Variants in PPM1A observed in about 807,000 individuals in gnomAD.
PPM1A encodes the protein protein phosphatase 1A.
A neutral mutation model predicts 35.0 loss-of-function variants in PPM1A; 7 were observed. The ratio of observed to expected loss-of-function variants is 0.20; its 90% CI spans 0.11 to 0.38. PPM1A has a LOEUF of 0.38. Ranked by LOEUF, PPM1A falls within the 10% of genes least tolerant of loss-of-function variation. The probability of loss-of-function intolerance (pLI) is 1.00; values close to 1 mark genes in which losing one functional copy is unlikely to be tolerated. For missense variants in PPM1A, 239 were observed against 467.8 expected (o/e 0.51, Z 4.51); for synonymous variants, 153 against 167.3 (o/e 0.91, Z 0.66).
At chr14:60,285,468 A>G (rs45521341) in intron 2 of PPM1A, among the ~76,000 whole-genome samples, 156 bp from the exon 3 acceptor site, 7 of 111,056 alleles carry the variant, frequency 6.3e-5, no homozygotes, top group African/African-American at 3.9e-4. Context: ...TTGCACACAC[A>G]CACGCACGCA....
intron 1 of PPM1A, among the ~76,000 whole-genome samples, chr14:60,255,262 C>G (rs1000613081): frequency 6.2e-5 from 9 of 145,810 alleles, no homozygotes; most frequent in East Asian, 2.0e-4. Context: ...AGCTCCGCCT[C>G]CCGGGTTCAC....
intron 1 of PPM1A, among the ~76,000 whole-genome samples, chr14:60,251,795 G>C (rs1355997248): frequency 6.6e-6 from 1 of 152,130 alleles, no homozygotes; most frequent in Non-Finnish European, 1.5e-5. Flanking sequence ...GTTCTTGTAA[G>C]CTATTGATTT....
At chr14:60,260,443 T>C (rs1187946497) in intron 1 of PPM1A, among the ~76,000 whole-genome samples, 1 of 152,152 alleles carries the variant, frequency 6.6e-6, no homozygotes, top group Non-Finnish European at 1.5e-5. Flanking sequence ...TATACTGCTA[T>C]GTATAATCCA....
intron 1 of PPM1A, among the ~76,000 whole-genome samples, chr14:60,275,544 T>G (rs113907287): frequency 0.012 from 1,815 of 152,312 alleles, 18 homozygotes; most frequent in Middle Eastern, 0.02. Context: ...TGGAGTGCAG[T>G]GGCACCATTA....
At position 60,296,030 on chromosome 14, in the gene PPM1A, C is replaced by T. The variant is rs951830396; in HGVS notation, c.*3548C>T. On this transcript the variant is annotated 3_prime_UTR_variant, in exon 6 of 6. Transcript: ENST00000395076. This position sits in a 1 kb window ranked among gnomAD's most constrained non-coding sequence, Gnocchi z 4.4. ...TTATTCTTCCTGCTGACAGCAGTAA[C>T]TCAGAGGAATAGGTAGTAGATTTCT... 8.6e-5 allele frequency: 13 copies of T among 151,646 alleles called. No homozygotes were observed. The highest frequency in any genetic ancestry group is 7.9e-4 in the Admixed American group (12 of 15,204). 9.4% of individuals were successfully genotyped at this position (151,646 alleles called of 1,614,324 possible).
intron 2 of PPM1A, 107 bp from the exon 3 acceptor site, chr14:60,285,517 A>G: frequency 8.1e-7 from 1 of 1,233,710 alleles, no homozygotes. Context: ...TGAAAGTAAC[A>G]TTTTCACTAG....
At position 60,263,909 on chromosome 14, in the gene PPM1A, G is replaced by A. The variant is rs920453350; in HGVS notation, c.-21+14232G>A. ...TTATGAGCTAATATTTGATTAAACCGAATATTTCTCCATCCTCTGTATAGT... is the reference window on the plus strand; with the variant it reads ...TTATGAGCTAATATTTGATTAAACCAAATATTTCTCCATCCTCTGTATAGT... On this transcript the variant is annotated intron_variant, in intron 1 of 5. Coordinates refer to ENST00000395076, the MANE Select transcript of PPM1A (RefSeq NM_021003.5). Among the ~76,000 whole-genome samples the A allele has an allele frequency of 6.0e-5, 9 of 150,670 alleles. No individual in the cohort carries two copies. The East Asian group carries it at 7.7e-4, about 13-fold the overall frequency.
chr14:60,290,346 T>C (rs960840252), intron 4 of PPM1A, among the ~76,000 whole-genome samples: 1 of 152,174 alleles, frequency 6.6e-6, no homozygotes, highest in African/African-American at 2.4e-5. Context: ...TATGCCTGAT[T>C]TTCCCAGTAT....
Position 60,294,564 on chromosome 14 carries a change from C to T in PPM1A, c.*2082C>T, listed in dbSNP as rs1227793622. The stretch of plus-strand genomic sequence containing the variant: ...AAATCCCTATTATAACAAACCAGTT[C>T]CTTAATATTTTAAGTAGACTGACAA... On this transcript the variant is annotated 3_prime_UTR_variant, in exon 6 of 6. Transcript: ENST00000395076. 6.6e-6 allele frequency: 1 copy of T among 151,794 alleles called. No homozygotes were observed. Among genetic ancestry groups the T allele is most frequent in the East Asian group, 1.9e-4 (1 of 5,196 alleles). 9.4% of individuals were successfully genotyped at this position (151,794 alleles called of 1,614,324 possible).
intron 4 of PPM1A, among the ~76,000 whole-genome samples, chr14:60,290,799 C>T (rs1036314379): frequency 2.0e-5 from 3 of 151,908 alleles, no homozygotes; most frequent in Non-Finnish European, 2.9e-5. Context: ...TTCCATATGA[C>T]TTTCTATGAA....
At chr14:60,276,998 G>T in intron 1 of PPM1A, 1 of 1,115,322 alleles carries the variant, frequency 9.0e-7, no homozygotes, top group Non-Finnish European at 1.1e-6. Context: ...CTTGTTTTTT[G>T]TCATAGTACT....
intron 1 of PPM1A, among the ~76,000 whole-genome samples, chr14:60,258,820 G>GT: frequency 6.6e-6 from 1 of 152,202 alleles, no homozygotes; most frequent in Middle Eastern, 3.4e-3. Flanking sequence ...AGTGTCATGT[G>GT]TTAAATATGA....
intron 1 of PPM1A, among the ~76,000 whole-genome samples, chr14:60,279,911 A>C (rs951157504): frequency 6.6e-6 from 1 of 152,126 alleles, no homozygotes; most frequent in Non-Finnish European, 1.5e-5. Flanking sequence ...TATTATATTG[A>C]GTATTTATAA....
chr14:60,246,111 A>G, upstream of PPM1A: 1 of 1,430,598 alleles, frequency 7.0e-7, no homozygotes. Flanking sequence ...TTGAGTAGTG[A>G]CTGGCTTCAG....
At chr14:60,248,986 A>G (rs925180277), upstream of PPM1A, among the ~76,000 whole-genome samples, 3 of 152,036 alleles carry the variant, frequency 2.0e-5, no homozygotes, top group African/African-American at 7.2e-5. Context: ...CGTAAGGCAA[A>G]GGCGGCGGCA....
At chr14:60,272,174 T>C (rs7143976) in intron 1 of PPM1A, among the ~76,000 whole-genome samples, 57,762 of 151,912 alleles carry the variant, frequency 0.38, 12,394 homozygotes, top group African/African-American at 0.59. Context: ...TTTGTTTTTC[T>C]AGATGTGTTA....
chr14:60,249,077 G>A (rs1018001133), upstream of PPM1A, among the ~76,000 whole-genome samples: 11 of 152,004 alleles, frequency 7.2e-5, no homozygotes, highest in East Asian at 2.1e-3. The surrounding 1 kb of genome is among the most constrained non-coding windows in gnomAD (Gnocchi z 4.5). Flanking sequence ...AGCCCTCACC[G>A]CAGTTCCTGC....
intron 1 of PPM1A, among the ~76,000 whole-genome samples, chr14:60,250,047 GGGGCGTCCCCGCGCCCCCACCCGCTC>G (rs1882184463): frequency 6.6e-6 from 1 of 151,448 alleles, no homozygotes; most frequent in Admixed American, 6.6e-5. Flanking sequence ...GAGCGGGGAG[GGGGCGTCCCCGCGCCCCCACCCGCTC>G]GGGCGCGCCG....
At chr14:60,249,090 A>C (rs1032043064), upstream of PPM1A, among the ~76,000 whole-genome samples, 33 of 151,738 alleles carry the variant, frequency 2.2e-4, no homozygotes, top group South Asian at 4.2e-4. This position sits in a 1 kb window ranked among gnomAD's most constrained non-coding sequence, Gnocchi z 4.5. Flanking sequence ...GTTCCTGCCC[A>C]ACGACATCCG....
Sources: allele counts gnomAD v4.1 joint callset (sites outside exome capture counted in the v4.1 genomes callset), GRCh38; gene constraint gnomAD v4.1.1; non-coding constraint Gnocchi (gnomAD v3.1); transcripts MANE v1.5; gene names NCBI Gene and HGNC (gene_info 2026-07-23, HGNC 2026-07-21).